PTPRD: variants seen among roughly 807,000 people sequenced by gnomAD.
PTPRD encodes receptor-type tyrosine-protein phosphatase delta.
Under a neutral mutation model 214.5 loss-of-function variants are expected in PTPRD, and 34 were observed. The observed-to-expected ratio is 0.16, with a 90% CI of 0.12 to 0.21. The LOEUF (loss-of-function observed/expected upper bound fraction) is 0.21, where lower values mean the gene tolerates loss of function less well. Ranked by LOEUF, PTPRD falls within the 10% of genes least tolerant of loss-of-function variation. PTPRD has a pLI of 1.00. For missense variants in PTPRD, 2,545 were observed against 2,398.7 expected (o/e 1.06, Z -1.27); for synonymous variants, 1,128 against 845.7 (o/e 1.33, Z -5.79).
intron 30 of PTPRD, among the ~76,000 whole-genome samples, chr9:8,479,185 G>C (rs767675): frequency 6.6e-6 from 1 of 151,954 alleles, no homozygotes; most frequent in Admixed American, 6.6e-5. Context: ...ACATTAACCA[G>C]TCTAGAAAAC....
intron 4 of PTPRD, among the ~76,000 whole-genome samples, chr9:9,960,484 C>T (rs1210799750): frequency 1.3e-5 from 2 of 152,112 alleles, no homozygotes; most frequent in Non-Finnish European, 2.9e-5. Flanking sequence ...AGGAGACTAA[C>T]TTAGCAGTGG....
At chr9:9,490,041 C>T (rs2095834513) in intron 8 of PTPRD, among the ~76,000 whole-genome samples, 1 of 152,018 alleles carries the variant, frequency 6.6e-6, no homozygotes, top group Non-Finnish European at 1.5e-5. Context: ...AAGAGATCCT[C>T]CATAAGATTA....
intron 5 of PTPRD, among the ~76,000 whole-genome samples, chr9:9,881,415 T>A (rs914129237): frequency 6.6e-6 from 1 of 152,142 alleles, no homozygotes; most frequent in Non-Finnish European, 1.5e-5. Flanking sequence ...TGTAACAAGA[T>A]CAAGAGCTTC....
intron 11 of PTPRD, among the ~76,000 whole-genome samples, chr9:8,963,812 C>T (rs1316611273): frequency 2.6e-5 from 4 of 151,916 alleles, no homozygotes. Flanking sequence ...TGGGGTCTTC[C>T]TATGTTGCCC....
chr9:10,514,484 A>G (rs2133936265), intron 2 of PTPRD, among the ~76,000 whole-genome samples: 1 of 151,784 alleles, frequency 6.6e-6, no homozygotes, highest in East Asian at 1.9e-4. Flanking sequence ...TTTTTTATAA[A>G]TAGGAAGGTG....
intron 2 of PTPRD, among the ~76,000 whole-genome samples, chr9:10,363,784 A>C (rs1479113461): frequency 6.6e-6 from 1 of 152,096 alleles, no homozygotes; most frequent in Admixed American, 6.6e-5. Context: ...TGCAATGAAA[A>C]GGTCAGGCTT....
At chr9:9,056,599 A>G (rs977549313) in intron 10 of PTPRD, among the ~76,000 whole-genome samples, 6 of 152,224 alleles carry the variant, frequency 3.9e-5, no homozygotes, top group African/African-American at 1.4e-4. Context: ...CTCATAAGAA[A>G]AGAGTGGTTT....
chr9:9,627,825 A>G (rs984726599), intron 7 of PTPRD, among the ~76,000 whole-genome samples: 7 of 152,220 alleles, frequency 4.6e-5, no homozygotes, highest in South Asian at 2.1e-4. Flanking sequence ...ATTAAATTCT[A>G]TGACTTGTTA....
At chr9:10,255,930 G>T (rs1337698539) in intron 3 of PTPRD, among the ~76,000 whole-genome samples, 1 of 152,128 alleles carries the variant, frequency 6.6e-6, no homozygotes, top group Non-Finnish European at 1.5e-5. Flanking sequence ...CCTGTCCTTG[G>T]CGTGTTAGGA....
At chr9:8,383,995 A>G (rs1179177170) in intron 37 of PTPRD, among the ~76,000 whole-genome samples, 2 of 152,182 alleles carry the variant, frequency 1.3e-5, no homozygotes, top group East Asian at 3.8e-4. Context: ...AAGATGGGAG[A>G]CAGAGTAGGA....
chr9:9,030,028 A>G (rs1160970064), intron 10 of PTPRD, among the ~76,000 whole-genome samples: 1 of 151,988 alleles, frequency 6.6e-6, no homozygotes, highest in Admixed American at 6.6e-5. Context: ...GATGATCTAC[A>G]AAGATAAATT....
rs1021748469 is a variant in PTPRD at position 10,612,952 on chromosome 9, C to G, written c.-972G>C. Among the ~76,000 whole-genome samples, 102 of 151,406 alleles carry G rather than the reference C, an allele frequency of 6.7e-4. 1 individual carries two copies. Among genetic ancestry groups the G allele is most frequent in the African/African-American group, 2.3e-3 (97 of 41,420 alleles). On this transcript the variant is annotated 5_prime_UTR_variant, in exon 1 of 46. Coordinates refer to ENST00000381196, the MANE Select transcript of PTPRD (RefSeq NM_002839.4). ...GGCGGGGAGCCGAGGCGGCCGCTCC[C>G]GCACTCGCTCGCTCGCTCGCTGGCG...
intron 4 of PTPRD, among the ~76,000 whole-genome samples, chr9:9,996,988 A>C (rs2096144133): frequency 6.6e-6 from 1 of 152,234 alleles, no homozygotes; most frequent in Admixed American, 6.5e-5. Context: ...AAGAGCAGTC[A>C]GTAGAAACTA....
intron 4 of PTPRD, among the ~76,000 whole-genome samples, chr9:9,965,003 T>C (rs967740200): frequency 1.3e-5 from 2 of 152,140 alleles, no homozygotes; most frequent in Admixed American, 1.3e-4. Flanking sequence ...ATTCATAATT[T>C]TATTTTGGTA....
intron 3 of PTPRD, among the ~76,000 whole-genome samples, chr9:10,219,898 G>A (rs985899801): frequency 2.0e-5 from 3 of 151,528 alleles, no homozygotes; most frequent in Admixed American, 6.6e-5. Flanking sequence ...ATACAAAAAT[G>A]AATAACTTGA....
At chr9:8,934,492 TAAATATATATATAAATATATATATATAA>T (rs1567100889) in intron 11 of PTPRD, among the ~76,000 whole-genome samples, 4 of 8,198 alleles carry the variant, frequency 4.9e-4, no homozygotes, top group South Asian at 5.7e-3. Context: ...TATATATATA[TAAATATATATATAAATATATATATATAA>T]ATATATATAT....
In PTPRD at chr9:10,517,108, C is replaced by T. The variant is rs150487392; in HGVS notation, c.-600+95290G>A. On this transcript the variant is annotated intron_variant, in intron 2 of 45. Transcript: ENST00000381196. ...TTTTTTTCTATTTCATTAAGAAATG[C>T]CATTTGAATTTTGACAGATATTGCA... Among the ~76,000 whole-genome samples the T allele has an allele frequency of 7.5e-4, 114 of 151,984 alleles. 1 individual carries two copies. The highest frequency in any genetic ancestry group is 2.6e-3 in the African/African-American group (108 of 41,524).
At chr9:10,163,527 A>G (rs1406592981) in intron 3 of PTPRD, among the ~76,000 whole-genome samples, 1 of 151,480 alleles carries the variant, frequency 6.6e-6, no homozygotes, top group Non-Finnish European at 1.5e-5. Context: ...AGTTGCTGTT[A>G]TTTTTACATA....
intron 11 of PTPRD, among the ~76,000 whole-genome samples, chr9:8,770,795 A>G (rs1030434691): frequency 1.3e-5 from 2 of 151,148 alleles, no homozygotes; most frequent in Non-Finnish European, 2.9e-5. Flanking sequence ...AACTCAATTG[A>G]AAGGCAAAAC....
Sources: gnomAD v4.1 joint callset for allele counts (sites outside exome capture counted in the v4.1 genomes callset) on GRCh38, gnomAD v4.1.1 for gene constraint, MANE v1.5 for transcripts, NCBI Gene and HGNC (gene_info 2026-07-23, HGNC 2026-07-21) for gene names.